ATAT1: variants seen among roughly 807,000 people sequenced by gnomAD.
ATAT1 encodes the protein alpha tubulin acetyltransferase 1, also known as alpha-tubulin N-acetyltransferase 1.
ATAT1 carries 42 observed loss-of-function variants against 57.2 expected under a neutral mutation model. The ratio of observed to expected loss-of-function variants is 0.73; its 90% confidence interval spans 0.57 to 0.95. The LOEUF is 0.95. Among genes scored for constraint, ATAT1 ranks in the 40% least tolerant of loss-of-function variants. ATAT1 has a pLI of 0.00. For synonymous variants in ATAT1, 168 were observed against 187.1 expected, an observed-to-expected ratio of 0.90 and a Z score of 0.83; for missense variants, 454 against 523.7, an observed-to-expected ratio of 0.87 and a Z score of 1.30.
intron 6 of ATAT1, among the ~76,000 whole-genome samples, chr6:30,630,192 G>C (rs1169493949): frequency 6.6e-6 from 1 of 151,982 alleles, no homozygotes; most frequent in South Asian, 2.1e-4. Flanking sequence ...GTGGTGGCAC[G>C]AGCCTGTAGT....
At chr6:30,643,425 T>G in intron 10 of ATAT1, 1 of 1,520,168 alleles carries the variant, frequency 6.6e-7, no homozygotes, top group East Asian at 2.5e-5. Flanking sequence ...GCATTTCCTT[T>G]ATTTCTCTCC....
chr6:30,640,269 T>C, intron 6 of ATAT1, 108 bp from the exon 7 acceptor site: 1 of 1,225,740 alleles, frequency 8.2e-7, no homozygotes. Flanking sequence ...TTTGTGTAAG[T>C]ACACTCTGTG....
Position 30,645,898 on chromosome 6 carries a change from G to T in ATAT1, c.936G>T (p.Gly312=). 2 of 1,486,108 alleles carry T rather than the reference G, an allele frequency of 1.3e-6. No homozygotes were observed. The highest frequency in any genetic ancestry group is 1.8e-6 in the Non-Finnish European group (2 of 1,118,968). The allele number at this position is 1,486,108 out of a possible 1,614,324, so 92.1% of individuals were successfully genotyped here. A position where few individuals can be genotyped will look rare whatever the true frequency, so the allele number is the denominator to read the frequency against. Residue 312 remains glycine, a synonymous_variant, in exon 11 of 13, where the codon GGG becomes GGT. Transcript: ENST00000330083. ...TCATCTCCCATTTCTTCTACAGGGG[G>T]ACTCCCCCAGGTCTGGTAGCCCAAA...
At chr6:30,645,782 C>A in intron 10 of ATAT1, 113 bp from the exon 11 acceptor site, 1 of 710,204 alleles carries the variant, frequency 1.4e-6, no homozygotes. Context: ...TGATAATTAC[C>A]CCCTTCTCTT....
intron 6 of ATAT1, among the ~76,000 whole-genome samples, chr6:30,636,956 C>T (rs147842052): frequency 0.029 from 4,436 of 151,996 alleles, 139 homozygotes; most frequent in African/African-American, 0.076. Context: ...GGATTAGAGG[C>T]GCCCACCACC....
chr6:30,643,308 T>C, intron 10 of ATAT1: 1 of 1,418,346 alleles, frequency 7.1e-7, no homozygotes, highest in Non-Finnish European at 9.2e-7. Context: ...CTTCTAAGAT[T>C]GGGAAAATCT....
chr6:30,643,174 A>G (rs1408777898), intron 10 of ATAT1, 163 bp downstream of exon 10: 13 of 1,461,758 alleles, frequency 8.9e-6, no homozygotes, highest in African/African-American at 4.3e-5. Flanking sequence ...GTGATCTGGG[A>G]AAAAAATGCA....
chr6:30,627,767 T>C (rs1561889582), intron 3 of ATAT1, 40 bp downstream of exon 3: 1 of 1,606,374 alleles, frequency 6.2e-7, no homozygotes, highest in African/African-American at 1.3e-5. Flanking sequence ...CTTAATTCCT[T>C]CCTTCCTCAG....
intron 7 of ATAT1, 26 bp from the exon 8 acceptor site, chr6:30,640,509 G>A: frequency 6.2e-7 from 1 of 1,612,918 alleles, no homozygotes; most frequent in Non-Finnish European, 8.5e-7. Flanking sequence ...CCTCACTGAG[G>A]GGCCCCGCCG....
intron 6 of ATAT1, among the ~76,000 whole-genome samples, chr6:30,639,926 G>A (rs908854260): frequency 1.1e-4 from 16 of 151,976 alleles, no homozygotes; most frequent in South Asian, 2.1e-4. Flanking sequence ...ATGAGCCCTG[G>A]AGTTTGAGAC....
chr6:30,641,099 CA>C (rs1441705602), intron 8 of ATAT1, among the ~76,000 whole-genome samples: 3 of 147,926 alleles, frequency 2.0e-5, no homozygotes, highest in African/African-American at 7.6e-5. Flanking sequence ...CCAGATTCCC[CA>C]TCCCATATAC....
At position 30,646,071 on chromosome 6, in the gene ATAT1, C is replaced by G; in HGVS notation, c.1017C>G (p.Asn339Lys). 6.2e-7 allele frequency: 1 copy of G among 1,610,702 alleles called. No individual in the cohort carries two copies. The highest frequency in any genetic ancestry group is 8.5e-7 in the Non-Finnish European group (1 of 1,178,380). The change falls in exon 12 of 13, where the codon AAC becomes AAG. Residue 339 changes from asparagine (N) to lysine (K), a missense_variant. Asn to Lys is a moderately conservative substitution (Grantham distance 94). Coordinates refer to ENST00000330083, the MANE Select transcript of ATAT1 (RefSeq NM_001031722.4). Reference sequence around the variant, plus strand: ...ACATGCCTGATATTTCCACAGGCAACCAAGACTCCAAGCAGGGAGAACAGG... The same window carrying G: ...ACATGCCTGATATTTCCACAGGCAAGCAAGACTCCAAGCAGGGAGAACAGG...
Position 30,640,391 on chromosome 6 carries a change from G to A in ATAT1, c.516G>A (p.Val172=). 6.2e-7 allele frequency: 1 copy of A among 1,613,006 alleles called. No homozygotes were observed. The highest frequency in any genetic ancestry group is 2.2e-5 in the East Asian group (1 of 44,880). ...TCATCTTCCAGGTGAACAACTTTGT[G>A]ATCTTTGAAGGCTTCTTTGCCCATC... Residue 172 remains valine (V), a synonymous_variant, in exon 7 of 13, where the codon GTG becomes GTA. Transcript: ENST00000330083.
In ATAT1 at chr6:30,642,909, AGGAGCTGCT is replaced by A; in HGVS notation, c.832_840del (p.Glu278_Leu280del). 1.9e-6 allele frequency: 3 copies of A among 1,564,290 alleles called. No homozygotes were observed. Among genetic ancestry groups the A allele is most frequent in the Non-Finnish European group, 2.6e-6 (3 of 1,150,818 alleles). ...CCCCTCCGCCCCTTTGTGCCAGAGC[AGGAGCTGCT>A]GCGTTCCTTGCGCCTCTGCCCCCCA... On this transcript the variant is annotated inframe_deletion, in exon 10 of 13. Transcript: ENST00000330083.
chr6:30,636,515 G>GGCGGAGCTTGCAGTGA (rs1250790429), intron 6 of ATAT1, among the ~76,000 whole-genome samples: 1 of 152,136 alleles, frequency 6.6e-6, no homozygotes, highest in Non-Finnish European at 1.5e-5. Context: ...GAACCCAGGA[G>GGCGGAGCTTGCAGTGA]GCGGAGCTTG....
chr6:30,637,497 A>G (rs1321527679), intron 6 of ATAT1, among the ~76,000 whole-genome samples: 3 of 152,008 alleles, frequency 2.0e-5, no homozygotes, highest in Admixed American at 1.3e-4. Context: ...AGCCTGGCCA[A>G]CATGGCGAAA....
chr6:30,638,124 G>T (rs888316474), intron 6 of ATAT1, among the ~76,000 whole-genome samples: 2 of 151,928 alleles, frequency 1.3e-5, no homozygotes, highest in African/African-American at 4.8e-5. Context: ...TGATCGGCCC[G>T]CCTCGGCCTC....
Position 30,628,384 on chromosome 6 carries a change from T to C in ATAT1, c.455T>C (p.Leu152Pro). The change falls in exon 6 of 13, where the codon CTG becomes CCG. Residue 152 changes from leucine to proline, a missense_variant. By Grantham distance (98) the Leu-to-Pro change is moderately conservative. This residue lies in a region of ATAT1 where 236 missense variants were observed against 284.5 expected (regional missense o/e 0.83). Coordinates refer to ENST00000330083, the MANE Select transcript of ATAT1 (RefSeq NM_001031722.4). Reference sequence around the variant, plus strand: ...ATTGACCGACCCTCACAGAAGCTGCTGAAATTCCTGAATAAGCACTACAAT... The same window carrying C: ...ATTGACCGACCCTCACAGAAGCTGCCGAAATTCCTGAATAAGCACTACAAT... 1 of 1,613,080 alleles carries C rather than the reference T, an allele frequency of 6.2e-7. No individual in the cohort carries two copies. The highest frequency in any genetic ancestry group is 8.5e-7 in the Non-Finnish European group (1 of 1,180,022).
chr6:30,638,989 T>A (rs1764776188), intron 6 of ATAT1, among the ~76,000 whole-genome samples: 1 of 152,154 alleles, frequency 6.6e-6, no homozygotes, highest in African/African-American at 2.4e-5. Context: ...TATTTATTTA[T>A]TTATCCTTTG....
Sources: gnomAD v4.1 joint callset for allele counts (sites outside exome capture counted in the v4.1 genomes callset) on GRCh38, gnomAD v4.1.1 for gene constraint, gnomAD v4.1.1 regional missense constraint, MANE v1.5 for transcripts, NCBI Gene and HGNC (gene_info 2026-07-23, HGNC 2026-07-21) for gene names.